Variants in SLC26A5 observed in about 807,000 individuals in gnomAD.
The protein encoded by SLC26A5 is prestin.
Under a neutral mutation model 81.0 loss-of-function variants are expected in SLC26A5, and 51 were observed. The observed-to-expected ratio is 0.63, with a 90% CI of 0.50 to 0.80. The LOEUF is 0.80. SLC26A5 is among the 30% of genes least tolerant of loss of function. The probability of loss-of-function intolerance (pLI) is 0.00; values close to 1 mark genes in which losing one functional copy is unlikely to be tolerated. For missense variants in SLC26A5, 771 were observed against 905.8 expected (o/e 0.85, Z 1.91); for synonymous variants, 325 against 332.8 (o/e 0.98, Z 0.25).
chr7:103,428,615 T>C (rs1825861743), intron 2 of SLC26A5, among the ~76,000 whole-genome samples: 1 of 150,014 alleles, frequency 6.7e-6, no homozygotes, highest in Admixed American at 6.7e-5. Context: ...CAGGCTGTAG[T>C]GCAGTGGCAC....
chr7:103,359,237 A>G (rs1418819311), intron 19 of SLC26A5, among the ~76,000 whole-genome samples: 1 of 141,698 alleles, frequency 7.1e-6, no homozygotes, highest in Non-Finnish European at 1.5e-5. Flanking sequence ...GGCTCAAGCC[A>G]TCTGCCCACC....
At chr7:103,376,957 A>C in intron 18 of SLC26A5, 95 bp from the exon 19 acceptor site, 1 of 827,028 alleles carries the variant, frequency 1.2e-6, no homozygotes, top group South Asian at 1.4e-5. Flanking sequence ...AAGACACTCT[A>C]ATTCATTCAC....
chr7:103,375,010 A>G (rs1427155881), intron 19 of SLC26A5, among the ~76,000 whole-genome samples: 1 of 148,262 alleles, frequency 6.7e-6, no homozygotes, highest in Non-Finnish European at 1.5e-5. Flanking sequence ...GGGGATAAGA[A>G]AAGTGGGGAA....
At chr7:103,395,474 C>T (rs1182807023) in intron 9 of SLC26A5, among the ~76,000 whole-genome samples, 6 of 126,418 alleles carry the variant, frequency 4.7e-5, no homozygotes, top group East Asian at 2.4e-4. Flanking sequence ...TATATATATA[C>T]ATATATATAT....
At position 103,377,861 on chromosome 7, in the gene SLC26A5, A is replaced by G. The variant is rs531075458; in HGVS notation, c.1786-62T>C. 15 of 1,500,816 alleles carry G rather than the reference A, an allele frequency of 1.0e-5. No homozygotes were observed. The East Asian group carries it at 1.8e-4, about 18-fold the overall frequency. 93.0% of individuals were successfully genotyped at this position (1,500,816 alleles called of 1,614,324 possible). ...ACAACTCACATTTCTGGTTGTGAGA[A>G]AGATTTATAATGGAAAATCTGCTCT... On this transcript the variant is annotated intron_variant, in intron 17 of 19. Transcript: ENST00000306312.
At position 103,379,584 on chromosome 7, in the gene SLC26A5, C is replaced by T. The variant is rs183927382; in HGVS notation, c.1585-249G>A. Among the ~76,000 whole-genome samples the T allele has an allele frequency of 1.5e-4, 23 of 151,926 alleles. No homozygotes were observed. The East Asian group carries it at 3.7e-3, about 24-fold the overall frequency. ...ACAGAGACCTTTTTAACATGCACAT[C>T]TTTCCATTTGTTTTAAAAGTCAGTC... On this transcript the variant is annotated intron_variant, in intron 15 of 19. Coordinates refer to ENST00000306312, the MANE Select transcript of SLC26A5 (RefSeq NM_198999.3).
intron 4 of SLC26A5, among the ~76,000 whole-genome samples, chr7:103,416,572 C>T (rs1414336056): frequency 6.6e-6 from 1 of 152,156 alleles, no homozygotes. Flanking sequence ...TGAACCAGTT[C>T]CCTTGCTTTT....
At chr7:103,437,629 T>C (rs1826549215) in intron 2 of SLC26A5, among the ~76,000 whole-genome samples, 1 of 152,154 alleles carries the variant, frequency 6.6e-6, no homozygotes, top group Non-Finnish European at 1.5e-5. Flanking sequence ...ATGTTATTTG[T>C]GATAATATGG....
At chr7:103,433,765 C>A (rs536400960) in intron 2 of SLC26A5, among the ~76,000 whole-genome samples, 1 of 142,712 alleles carries the variant, frequency 7.0e-6, no homozygotes, top group Non-Finnish European at 1.5e-5. Flanking sequence ...TGCAGTGATG[C>A]GATCTGGGCT....
At chr7:103,391,530 A>G (rs1822652870) in intron 11 of SLC26A5, 92 bp downstream of exon 11, 5 of 1,009,710 alleles carry the variant, frequency 5.0e-6, no homozygotes. Flanking sequence ...TGCAGGCCAG[A>G]GTAGCTTTGT....
At chr7:103,441,158 C>T (rs915030924) in intron 2 of SLC26A5, among the ~76,000 whole-genome samples, 3 of 152,194 alleles carry the variant, frequency 2.0e-5, no homozygotes, top group African/African-American at 4.8e-5. Flanking sequence ...TGGTAACCGA[C>T]GTGCCTCTTA....
At chr7:103,389,273 C>T in intron 13 of SLC26A5, 56 bp downstream of exon 13, 1 of 1,357,084 alleles carries the variant, frequency 7.4e-7, no homozygotes, top group Admixed American at 1.7e-5. Context: ...TTTTTCTTAG[C>T]ACTAATCATA....
intron 2 of SLC26A5, among the ~76,000 whole-genome samples, chr7:103,433,247 A>G (rs1020056049): frequency 1.8e-4 from 28 of 152,146 alleles, no homozygotes; most frequent in African/African-American, 5.8e-4. Context: ...AAAAATTCCT[A>G]TGGCTTGGGC....
chr7:103,371,420 G>T (rs1821028787), downstream of SLC26A5, among the ~76,000 whole-genome samples: 1 of 151,094 alleles, frequency 6.6e-6, no homozygotes, highest in Admixed American at 6.6e-5. Context: ...CGCCTCCCGG[G>T]TTCACGCCAT....
intron 4 of SLC26A5, among the ~76,000 whole-genome samples, chr7:103,415,177 C>T (rs1440553907): frequency 1.3e-5 from 2 of 152,146 alleles, no homozygotes; most frequent in East Asian, 3.8e-4. Flanking sequence ...GGGAAAGCAT[C>T]CTAACTTCAT....
chr7:103,384,785 G>T (rs1201684493), intron 14 of SLC26A5, among the ~76,000 whole-genome samples: 1 of 152,158 alleles, frequency 6.6e-6, no homozygotes, highest in Non-Finnish European at 1.5e-5. Flanking sequence ...AAGGTTATAT[G>T]AAATGGCATA....
chr7:103,415,335 C>T (rs776054283), intron 4 of SLC26A5, among the ~76,000 whole-genome samples: 2 of 152,244 alleles, frequency 1.3e-5, no homozygotes, highest in Non-Finnish European at 2.9e-5. Context: ...GGTTTTGCTC[C>T]TCGGAGCCAA....
intron 2 of SLC26A5, among the ~76,000 whole-genome samples, chr7:103,425,070 C>T (rs1003313486): frequency 6.6e-5 from 10 of 152,286 alleles, no homozygotes; most frequent in South Asian, 2.1e-4. Flanking sequence ...AAGAGTCCTT[C>T]GGCTATCCCC....
chr7:103,383,111 G>C (rs1324654481), intron 14 of SLC26A5, among the ~76,000 whole-genome samples: 1 of 152,198 alleles, frequency 6.6e-6, no homozygotes, highest in Non-Finnish European at 1.5e-5. Context: ...TCACAATCTA[G>C]TGATATCTGT....
Sources: allele counts gnomAD v4.1 joint callset (sites outside exome capture counted in the v4.1 genomes callset), GRCh38; gene constraint gnomAD v4.1.1; transcripts MANE v1.5; gene names NCBI Gene and HGNC (gene_info 2026-07-23, HGNC 2026-07-21).